The following CARMIL1 variants were observed in gnomAD, a reference collection of about 807,000 sequenced individuals.
CARMIL1 encodes capping protein regulator and myosin 1 linker 1, also known as F-actin-uncapping protein LRRC16A.
In CARMIL1, 90 loss-of-function variants were observed where a neutral mutation model predicts 177.1. That is an observed-to-expected ratio of 0.51 (90% CI 0.43 to 0.61). The LOEUF (loss-of-function observed/expected upper bound fraction) is 0.61, where lower values mean the gene tolerates loss of function less well. Among genes scored for constraint, CARMIL1 ranks in the 20% least tolerant of loss-of-function variants. The probability of loss-of-function intolerance (pLI) is 0.00; values close to 1 mark genes in which losing one functional copy is unlikely to be tolerated. For synonymous variants in CARMIL1, 577 were observed against 606.2 expected (o/e 0.95, Z 0.71); for missense variants, 1,380 against 1,667.0 (o/e 0.83, Z 3.00).
chr6:25,610,387 A>G (rs2272824), intron 36 of CARMIL1, among the ~76,000 whole-genome samples: 30,715 of 152,170 alleles, frequency 0.2, 3,393 homozygotes, highest in East Asian at 0.42. Flanking sequence ...TTAATGACAT[A>G]TGAAAAAAGC....
chr6:25,420,200 A>G (rs779566563), intron 3 of CARMIL1, 36 bp downstream of exon 3: 2 of 1,591,760 alleles, frequency 1.3e-6, no homozygotes, highest in Non-Finnish European at 8.6e-7. Flanking sequence ...CTGCACTCAC[A>G]CTCACTCATA....
intron 8 of CARMIL1, among the ~76,000 whole-genome samples, chr6:25,462,396 C>T (rs1800207012): frequency 6.6e-6 from 1 of 152,148 alleles, no homozygotes; most frequent in Non-Finnish European, 1.5e-5. Context: ...TTGTATTCCC[C>T]CTACCTCACT....
intron 29 of CARMIL1, among the ~76,000 whole-genome samples, chr6:25,557,536 ATTGT>A (rs1417783658): frequency 6.6e-6 from 1 of 152,154 alleles, no homozygotes; most frequent in Non-Finnish European, 1.5e-5. Flanking sequence ...CCATGAAACA[ATTGT>A]TTGTGTCTAT....
At chr6:25,542,813 T>C (rs888295674) in intron 26 of CARMIL1, among the ~76,000 whole-genome samples, 3 of 152,214 alleles carry the variant, frequency 2.0e-5, no homozygotes, top group Non-Finnish European at 4.4e-5. Context: ...ACCATTTGTC[T>C]ATATAAATTT....
At chr6:25,420,410 C>T (rs2150692615) in intron 3 of CARMIL1, 1 of 457,330 alleles carries the variant, frequency 2.2e-6, no homozygotes, top group Non-Finnish European at 3.9e-6. Context: ...ATTTTTTACT[C>T]CTTTGTTCCC....
At chr6:25,565,639 G>A (rs1343649913) in intron 29 of CARMIL1, among the ~76,000 whole-genome samples, 1 of 152,158 alleles carries the variant, frequency 6.6e-6, no homozygotes, top group Non-Finnish European at 1.5e-5. Flanking sequence ...GAGGTGAGGA[G>A]ATCGAGACCA....
intron 2 of CARMIL1, among the ~76,000 whole-genome samples, chr6:25,369,227 G>A (rs1355919279): frequency 1.3e-5 from 2 of 152,122 alleles, no homozygotes; most frequent in Non-Finnish European, 2.9e-5. Context: ...TCCCAGACGG[G>A]GAACTCATCA....
At chr6:25,466,341 A>G (rs1800594527) in intron 9 of CARMIL1, among the ~76,000 whole-genome samples, 1 of 152,202 alleles carries the variant, frequency 6.6e-6, no homozygotes, top group Non-Finnish European at 1.5e-5. Context: ...GAAAACATTA[A>G]CAGGTAGAGT....
At chr6:25,313,414 C>T (rs936005290) in intron 2 of CARMIL1, among the ~76,000 whole-genome samples, 6 of 152,168 alleles carry the variant, frequency 3.9e-5, no homozygotes, top group Non-Finnish European at 7.3e-5. Context: ...ATGCACCTTC[C>T]CTGCTCAAGT....
chr6:25,436,043 A>AT (rs1378785300), intron 5 of CARMIL1, among the ~76,000 whole-genome samples: 1 of 152,186 alleles, frequency 6.6e-6, no homozygotes, highest in East Asian at 1.9e-4. Context: ...ACCTAAAAAA[A>AT]TTGAATGTAA....
chr6:25,395,232 G>A (rs1318552325), intron 2 of CARMIL1, among the ~76,000 whole-genome samples: 1 of 152,184 alleles, frequency 6.6e-6, no homozygotes, highest in African/African-American at 2.4e-5. Context: ...CGGGACGGCG[G>A]TGCAAGGAGA....
intron 32 of CARMIL1, among the ~76,000 whole-genome samples, chr6:25,598,748 G>A (rs558216350): frequency 7.9e-5 from 12 of 152,090 alleles, no homozygotes; most frequent in Admixed American, 3.3e-4. Flanking sequence ...AAAAGGAATG[G>A]GGGCACCGAA....
intron 2 of CARMIL1, among the ~76,000 whole-genome samples, chr6:25,374,764 A>T (rs550972394): frequency 6.6e-6 from 1 of 152,186 alleles, no homozygotes; most frequent in South Asian, 2.1e-4. Context: ...TTTTATTATT[A>T]TATAATGGCA....
At chr6:25,340,776 G>GGTTTTTTTT (rs1554167790) in intron 2 of CARMIL1, among the ~76,000 whole-genome samples, 11 of 68,554 alleles carry the variant, frequency 1.6e-4, no homozygotes, top group African/African-American at 6.6e-4. Flanking sequence ...TGTCAATGAA[G>GGTTTTTTTT]GTTTTTTTTT....
At chr6:25,335,263 G>C (rs1786092914) in intron 2 of CARMIL1, among the ~76,000 whole-genome samples, 1 of 152,178 alleles carries the variant, frequency 6.6e-6, no homozygotes, top group Non-Finnish European at 1.5e-5. Flanking sequence ...TAGATGGATA[G>C]TTAATCCGTG....
chr6:25,589,212 T>C (rs1351388738), intron 31 of CARMIL1, among the ~76,000 whole-genome samples: 1 of 152,238 alleles, frequency 6.6e-6, no homozygotes, highest in East Asian at 1.9e-4. Context: ...ATTAGCAAAT[T>C]ATTTTTTGTG....
chr6:25,279,402 T>C lies in CARMIL1; in HGVS notation c.-394T>C. On this transcript the variant is annotated 5_prime_UTR_variant, in exon 1 of 37. Transcript: ENST00000329474. ...CTCTCCCACGCCTTCCGCTTTCACC[T>C]AGGGCTGTAGGTGCGGCGCGGAGGC... The C allele has an allele frequency of 3.1e-6, 1 of 323,362 alleles. No individual in the cohort carries two copies. The highest frequency in any genetic ancestry group is 2.9e-5 in the South Asian group (1 of 34,234). The allele number at this position is 323,362 out of a possible 1,614,324, so 20.0% of individuals were successfully genotyped here. A position where few individuals can be genotyped will look rare whatever the true frequency, so the allele number is the denominator to read the frequency against.
At chr6:25,447,817 CTCT>C (rs1798381744) in intron 5 of CARMIL1, among the ~76,000 whole-genome samples, 1 of 152,188 alleles carries the variant, frequency 6.6e-6, no homozygotes, top group Admixed American at 6.5e-5. Flanking sequence ...GCTTGGCTTT[CTCT>C]TCTTCTGCCA....
chr6:25,356,318 A>G (rs1167142074), intron 2 of CARMIL1, among the ~76,000 whole-genome samples: 1 of 152,082 alleles, frequency 6.6e-6, no homozygotes, highest in Non-Finnish European at 1.5e-5. Flanking sequence ...CGGCCTCCCA[A>G]AGTGCTGGGA....
Sources: gnomAD v4.1 joint callset for allele counts (sites outside exome capture counted in the v4.1 genomes callset) on GRCh38, gnomAD v4.1.1 for gene constraint, MANE v1.5 for transcripts, NCBI Gene and HGNC (gene_info 2026-07-23, HGNC 2026-07-21) for gene names.